The following PCDH9 variants were observed in gnomAD, a reference collection of about 807,000 sequenced individuals.
PCDH9 encodes protocadherin 9.
PCDH9 carries 24 observed loss-of-function variants against 70.6 expected under a neutral mutation model. The observed-to-expected ratio is 0.34, with a 90% CI of 0.25 to 0.48. PCDH9 has a LOEUF of 0.48. Among genes scored for constraint, PCDH9 ranks in the 20% least tolerant of loss-of-function variants. PCDH9 has a pLI of 0.99. For missense variants in PCDH9, 1,281 were observed against 1,503.6 expected (o/e 0.85, Z 2.45); for synonymous variants, 562 against 558.5 (o/e 1.01, Z -0.09).
intron 4 of PCDH9, among the ~76,000 whole-genome samples, chr13:66,335,092 C>T (rs1956014127): frequency 6.6e-6 from 1 of 152,036 alleles, no homozygotes; most frequent in African/African-American, 2.4e-5. Context: ...GTGTTTTCAT[C>T]ACATCACAGT....
At chr13:66,671,451 G>T (rs896469744) in intron 3 of PCDH9, among the ~76,000 whole-genome samples, 8 of 152,272 alleles carry the variant, frequency 5.3e-5, no homozygotes, top group Middle Eastern at 3.4e-3. Context: ...GACTTGGAGG[G>T]CTCAGAAGAA....
intron 2 of PCDH9, among the ~76,000 whole-genome samples, chr13:66,982,028 T>C (rs1054896153): frequency 6.6e-6 from 1 of 152,170 alleles, no homozygotes; most frequent in African/African-American, 2.4e-5. Flanking sequence ...GTTTGGATCA[T>C]GGGGGCGGAT....
chr13:66,996,828 C>T (rs1057377364), intron 2 of PCDH9, among the ~76,000 whole-genome samples: 6 of 152,162 alleles, frequency 3.9e-5, no homozygotes, highest in Non-Finnish European at 7.3e-5. Flanking sequence ...GGAGACCTTA[C>T]TCCAAATGCA....
intron 4 of PCDH9, among the ~76,000 whole-genome samples, chr13:66,550,642 AG>A (rs749232469): frequency 1.3e-5 from 2 of 152,196 alleles, no homozygotes; most frequent in Non-Finnish European, 2.9e-5. Context: ...TTGATAGCAC[AG>A]AGCCCCATAT....
intron 4 of PCDH9, among the ~76,000 whole-genome samples, chr13:66,625,697 G>A (rs1376502492): frequency 1.4e-5 from 2 of 140,196 alleles, no homozygotes; most frequent in African/African-American, 2.7e-5. Flanking sequence ...GTCTCACTCT[G>A]TCACCCAGGC....
intron 3 of PCDH9, among the ~76,000 whole-genome samples, chr13:66,693,877 A>G (rs2139089951): frequency 6.6e-6 from 1 of 152,348 alleles, no homozygotes; most frequent in South Asian, 2.1e-4. Flanking sequence ...TCCAGTTAAC[A>G]GTTTTAGAAG....
chr13:66,759,448 T>G (rs2079587894), intron 3 of PCDH9, among the ~76,000 whole-genome samples: 1 of 152,120 alleles, frequency 6.6e-6, no homozygotes, highest in South Asian at 2.1e-4. Flanking sequence ...CAGCCACTCT[T>G]TGTTTTGATT....
At chr13:67,005,714 A>G (rs1192335851) in intron 2 of PCDH9, among the ~76,000 whole-genome samples, 1 of 152,238 alleles carries the variant, frequency 6.6e-6, no homozygotes, top group East Asian at 1.9e-4. Flanking sequence ...TTTCCAAAGT[A>G]AAGAAATGCA....
At chr13:67,166,215 A>G (rs2088112756) in intron 2 of PCDH9, among the ~76,000 whole-genome samples, 2 of 152,186 alleles carry the variant, frequency 1.3e-5, no homozygotes, top group African/African-American at 4.8e-5. Context: ...TGATACAATT[A>G]TGAACACTTA....
intron 4 of PCDH9, among the ~76,000 whole-genome samples, chr13:66,621,702 A>T (rs1003023110): frequency 2.0e-5 from 3 of 152,212 alleles, no homozygotes; most frequent in Admixed American, 6.5e-5. Flanking sequence ...ACAAACAAAA[A>T]ACAAAGCAAA....
Position 67,203,486 on chromosome 13 carries a change from A to G in PCDH9, c.3036+21919T>C, listed in dbSNP as rs540338053. 5 of 152,204 alleles carry G rather than the reference A, an allele frequency of 3.3e-5. No individual in the cohort carries two copies. The East Asian group carries it at 9.6e-4, about 29-fold the overall frequency. 9.4% of individuals were successfully genotyped at this position (152,204 alleles called of 1,614,324 possible). Reference sequence around the variant, plus strand: ...AAAATCACTATTTCAAGAGGTAACAAAAAAAACTATGCTTTAAAAAATATT... The same window carrying G: ...AAAATCACTATTTCAAGAGGTAACAGAAAAAACTATGCTTTAAAAAATATT... On this transcript the variant is annotated intron_variant, in intron 2 of 4. Coordinates refer to ENST00000377865, the MANE Select transcript of PCDH9 (RefSeq NM_203487.3).
At chr13:66,986,686 G>T (rs1365878520) in intron 2 of PCDH9, among the ~76,000 whole-genome samples, 2 of 151,886 alleles carry the variant, frequency 1.3e-5, no homozygotes, top group Non-Finnish European at 2.9e-5. Context: ...TTTTCCAACA[G>T]ATTTTAGGGT....
At chr13:66,527,419 T>C (rs1323385725) in intron 4 of PCDH9, among the ~76,000 whole-genome samples, 1 of 152,140 alleles carries the variant, frequency 6.6e-6, no homozygotes, top group Non-Finnish European at 1.5e-5. Flanking sequence ...AGGTGATTAA[T>C]GTTTTCTTTC....
intron 2 of PCDH9, among the ~76,000 whole-genome samples, chr13:66,984,014 C>T (rs118187352): frequency 1.1e-3 from 160 of 152,070 alleles, no homozygotes; most frequent in Admixed American, 4.5e-3. Flanking sequence ...AACAACTAAA[C>T]ATACAAGAAA....
chr13:66,341,081 C>G (rs1217735371), intron 4 of PCDH9, among the ~76,000 whole-genome samples: 2 of 152,044 alleles, frequency 1.3e-5, no homozygotes, highest in Non-Finnish European at 2.9e-5. Context: ...GTCACTTACT[C>G]ATAAATGAAA....
At chr13:66,412,336 T>C (rs933032838) in intron 4 of PCDH9, among the ~76,000 whole-genome samples, 1 of 152,164 alleles carries the variant, frequency 6.6e-6, no homozygotes, top group African/African-American at 2.4e-5. Flanking sequence ...TGATTAATTT[T>C]TTTTCTTTTA....
At chr13:66,932,914 C>T (rs894358110) in intron 2 of PCDH9, among the ~76,000 whole-genome samples, 1 of 150,934 alleles carries the variant, frequency 6.6e-6, no homozygotes, top group Non-Finnish European at 1.5e-5. Flanking sequence ...ATATTAACAT[C>T]ATTTTTACAT....
At chr13:66,874,125 G>C (rs937266996) in intron 3 of PCDH9, among the ~76,000 whole-genome samples, 6 of 151,284 alleles carry the variant, frequency 4.0e-5, no homozygotes, top group Admixed American at 3.3e-4. Context: ...ATTTTTAGTA[G>C]GGACAGTATT....
chr13:66,848,723 G>T (rs887356108), intron 3 of PCDH9, among the ~76,000 whole-genome samples: 15 of 151,796 alleles, frequency 9.9e-5, no homozygotes, highest in East Asian at 1.9e-4. Flanking sequence ...GGTCATGAGA[G>T]CGAGACCATC....
Sources: allele counts gnomAD v4.1 joint callset (sites outside exome capture counted in the v4.1 genomes callset), GRCh38; gene constraint gnomAD v4.1.1; transcripts MANE v1.5; gene names NCBI Gene and HGNC (gene_info 2026-07-23, HGNC 2026-07-21).